Variants in NPAS3 observed in about 807,000 individuals in gnomAD.
NPAS3 encodes the protein neuronal PAS domain protein 3.
In NPAS3, 14 loss-of-function variants were observed where a neutral mutation model predicts 73.1. That is an observed-to-expected ratio of 0.19 (90% CI 0.13 to 0.30). NPAS3 has a LOEUF of 0.30. NPAS3 is among the 10% of genes least tolerant of loss of function. NPAS3 has a pLI of 1.00. For synonymous variants in NPAS3, 620 were observed against 541.5 expected (o/e 1.14, Z -2.01); for missense variants, 1,096 against 1,250.0 (o/e 0.88, Z 1.86).
intron 2 of NPAS3, among the ~76,000 whole-genome samples, chr14:33,118,650 T>C (rs903701830): frequency 6.6e-6 from 1 of 152,120 alleles, no homozygotes; most frequent in Non-Finnish European, 1.5e-5. Flanking sequence ...TTATCTTTTG[T>C]ATCCAGGGCA....
chr14:33,189,840 C>CA (rs2046106518), intron 2 of NPAS3, among the ~76,000 whole-genome samples: 1 of 151,972 alleles, frequency 6.6e-6, no homozygotes, highest in East Asian at 1.9e-4. Flanking sequence ...TAAAGATAAG[C>CA]AAAAAAGGAA....
At chr14:33,776,063 A>G (rs966189316) in intron 8 of NPAS3, among the ~76,000 whole-genome samples, 2 of 152,188 alleles carry the variant, frequency 1.3e-5, no homozygotes, top group African/African-American at 4.8e-5. Context: ...AGTCTCCTGG[A>G]GTCTCTTCTT....
chr14:33,503,349 T>C (rs1277013250), intron 4 of NPAS3, among the ~76,000 whole-genome samples: 1 of 151,962 alleles, frequency 6.6e-6, no homozygotes, highest in African/African-American at 2.4e-5. Context: ...AAAATACTTA[T>C]AATGACTATA....
chr14:33,400,880 C>T (rs572438508), intron 4 of NPAS3, among the ~76,000 whole-genome samples: 66 of 151,704 alleles, frequency 4.4e-4, no homozygotes, highest in Admixed American at 1.4e-3. Context: ...CCTAGGATTT[C>T]AGTTTCATTA....
chr14:33,566,231 C>CCG (rs2055928133), intron 5 of NPAS3, among the ~76,000 whole-genome samples: 1 of 151,680 alleles, frequency 6.6e-6, no homozygotes, highest in African/African-American at 2.4e-5. Flanking sequence ...ATTTTTCCCC[C>CCG]CCGAAAATGA....
intron 6 of NPAS3, among the ~76,000 whole-genome samples, chr14:33,712,284 C>A (rs555496747): frequency 6.6e-6 from 1 of 152,278 alleles, no homozygotes; most frequent in South Asian, 2.1e-4. Flanking sequence ...ACACCCCCCA[C>A]CAAATGACCA....
intron 6 of NPAS3, among the ~76,000 whole-genome samples, chr14:33,707,667 A>C (rs960577631): frequency 6.6e-6 from 1 of 152,202 alleles, no homozygotes; most frequent in East Asian, 1.9e-4. Flanking sequence ...AGCTAATAGA[A>C]GGGAACATAA....
At chr14:33,244,281 C>G (rs530560977) in intron 3 of NPAS3, among the ~76,000 whole-genome samples, 192 of 152,158 alleles carry the variant, frequency 1.3e-3, no homozygotes, top group African/African-American at 4.5e-3. Flanking sequence ...ATAGAGAATA[C>G]CCAATAAATG....
At chr14:33,498,564 C>T (rs921935167) in intron 4 of NPAS3, among the ~76,000 whole-genome samples, 32 of 152,034 alleles carry the variant, frequency 2.1e-4, no homozygotes, top group African/African-American at 7.2e-4. Context: ...AGCTGGAAAC[C>T]ATCACTCTCA....
intron 3 of NPAS3, among the ~76,000 whole-genome samples, chr14:33,271,918 A>G (rs892610037): frequency 5.3e-5 from 8 of 152,070 alleles, no homozygotes; most frequent in African/African-American, 1.9e-4. Flanking sequence ...AGAAAGTAGA[A>G]AAAAAAAGAT....
intron 2 of NPAS3, among the ~76,000 whole-genome samples, chr14:33,124,414 C>T (rs1353782170): frequency 6.6e-6 from 1 of 152,126 alleles, no homozygotes; most frequent in African/African-American, 2.4e-5. Context: ...TAGCAAGTTA[C>T]ACCATCACTC....
At chr14:33,439,496 G>A (rs561053209) in intron 4 of NPAS3, among the ~76,000 whole-genome samples, 168 of 152,226 alleles carry the variant, frequency 1.1e-3, no homozygotes, top group African/African-American at 3.2e-3. Flanking sequence ...CCTCAGAGCC[G>A]AGTTTCTATT....
At chr14:33,423,238 A>G in intron 4 of NPAS3, among the ~76,000 whole-genome samples, 1 of 152,008 alleles carries the variant, frequency 6.6e-6, no homozygotes, top group South Asian at 2.1e-4. Context: ...AATAGTATTG[A>G]TGGTCAAGGC....
intron 2 of NPAS3, among the ~76,000 whole-genome samples, chr14:33,114,708 G>A (rs542551774): frequency 7.2e-5 from 11 of 152,170 alleles, no homozygotes; most frequent in East Asian, 5.8e-4. Flanking sequence ...TCATGGTCAC[G>A]TTAAACTCTA....
intron 2 of NPAS3, among the ~76,000 whole-genome samples, chr14:33,160,743 TTTG>T (rs1304192245): frequency 6.6e-6 from 1 of 151,018 alleles, no homozygotes; most frequent in East Asian, 1.9e-4. Flanking sequence ...TTACTTTTTT[TTTG>T]TTTTAAGTCA....
At chr14:33,695,126 C>A (rs559442858) in intron 6 of NPAS3, among the ~76,000 whole-genome samples, 1 of 152,316 alleles carries the variant, frequency 6.6e-6, no homozygotes, top group South Asian at 2.1e-4. Context: ...CACAGAACCA[C>A]ATGACCCAAC....
At chr14:33,403,354 AT>A (rs1324751669) in intron 4 of NPAS3, among the ~76,000 whole-genome samples, 1 of 152,140 alleles carries the variant, frequency 6.6e-6, no homozygotes, top group African/African-American at 2.4e-5. Flanking sequence ...CTTGTGGTAT[AT>A]TTTTTTATAA....
intron 1 of NPAS3, among the ~76,000 whole-genome samples, chr14:32,992,213 C>G (rs2038363091): frequency 6.6e-6 from 1 of 151,984 alleles, no homozygotes; most frequent in South Asian, 2.1e-4. Flanking sequence ...AGGGCACATC[C>G]CACATTTGTG....
chr14:33,261,401 T>C (rs2048972013), intron 3 of NPAS3, among the ~76,000 whole-genome samples: 1 of 152,086 alleles, frequency 6.6e-6, no homozygotes, highest in Admixed American at 6.6e-5. Context: ...GAGACAAAGG[T>C]TAAATTAGAC....
Sources: gnomAD v4.1 joint callset for allele counts (sites outside exome capture counted in the v4.1 genomes callset) on GRCh38, gnomAD v4.1.1 for gene constraint, MANE v1.5 for transcripts, NCBI Gene and HGNC (gene_info 2026-07-23, HGNC 2026-07-21) for gene names.